Variants in AMBN observed in about 807,000 individuals in gnomAD.
AMBN encodes the protein ameloblastin, also known as enamel matrix protein.
Under a neutral mutation model 48.0 loss-of-function variants are expected in AMBN, and 54 were observed. The ratio of observed to expected loss-of-function variants is 1.12; its 90% CI spans 0.90 to 1.41. The LOEUF (loss-of-function observed/expected upper bound fraction) is 1.41. AMBN is among the 40% of genes most tolerant of loss of function. AMBN has a pLI of 0.00. For synonymous variants in AMBN, 186 were observed against 190.0 expected, an observed-to-expected ratio of 0.98 and a Z score of 0.17; for missense variants, 571 against 547.3, an observed-to-expected ratio of 1.04 and a Z score of -0.43.
Position 70,603,451 on chromosome 4 carries a change from A to T in AMBN, c.744A>T (p.Ala248=). Residue 248 remains alanine (A), a synonymous_variant, in exon 11 of 13, where the codon GCA becomes GCT. Transcript: ENST00000322937. ...YPGMLYVPFG[A]NQLNAPARLG... ...GAATGTTGTACGTGCCTTTTGGAGC[A>T]AATCAATTGGTAAGTCCATATTCTA... The T allele has an allele frequency of 6.2e-7, 1 of 1,612,346 alleles. No homozygotes were observed. Among genetic ancestry groups the T allele is most frequent in the Middle Eastern group, 2.0e-4 (1 of 5,044 alleles).
At chr4:70,605,760 G>GA (rs199534434) in intron 12 of AMBN, among the ~76,000 whole-genome samples, 18 of 150,546 alleles carry the variant, frequency 1.2e-4, no homozygotes, top group Admixed American at 4.0e-4. Flanking sequence ...ACCCCTAAAA[G>GA]AAAAAAAAAG....
chr4:70,597,781 C>G (rs1374100294), intron 3 of AMBN, among the ~76,000 whole-genome samples: 1 of 152,088 alleles, frequency 6.6e-6, no homozygotes, highest in Non-Finnish European at 1.5e-5. Context: ...AGCTTAAACT[C>G]AATCCAAAGC....
rs202024421 is a variant in AMBN, at chr4:70,606,167, G to T, written c.799-18G>T. On this transcript the variant is annotated intron_variant, in intron 12 of 12. Transcript: ENST00000322937. ...AGCATGTGATGATGGCATCTTTGAC[G>T]AATGTTTTTTTTTCCAGGGCGGGAG... 1.2e-6 allele frequency: 2 copies of T among 1,611,924 alleles called. No individual in the cohort carries two copies. The highest frequency in any genetic ancestry group is 1.1e-5 in the South Asian group (1 of 90,980).
intron 11 of AMBN, 131 bp from the exon 12 acceptor site, chr4:70,603,746 C>A: frequency 2.2e-6 from 2 of 926,208 alleles, no homozygotes; most frequent in Non-Finnish European, 3.3e-6. Flanking sequence ...AATGACTCAC[C>A]TCTCCACTTT....
At chr4:70,598,494 G>A in intron 4 of AMBN, 91 bp downstream of exon 4, 3 of 1,028,738 alleles carry the variant, frequency 2.9e-6, no homozygotes, top group South Asian at 2.1e-5. Context: ...TTTATGAATA[G>A]ACAATATACT....
rs770264296 is a variant in AMBN at position 70,598,344 on chromosome 4, T to A, written c.136-12T>A. ...ATGCGATAAACAGTAACCCACTTTT[T>A]TTTCTTGATAGACAATGAGACAGTT... On this transcript the variant is annotated splice_polypyrimidine_tract_variant and intron_variant, in intron 3 of 12. Coordinates refer to ENST00000322937, the MANE Select transcript of AMBN (RefSeq NM_016519.6). 1.3e-6 allele frequency: 2 copies of A among 1,559,266 alleles called. No individual in the cohort carries two copies. The highest frequency in any genetic ancestry group is 1.7e-6 in the Non-Finnish European group (2 of 1,152,008).
intron 2 of AMBN, 77 bp from the exon 3 acceptor site, chr4:70,596,922 G>A: frequency 1.5e-6 from 2 of 1,316,136 alleles, no homozygotes; most frequent in East Asian, 4.6e-5. Context: ...ATGTACTGGA[G>A]CAATATCCTA....
At chr4:70,598,475 T>C in intron 4 of AMBN, 72 bp downstream of exon 4, 1 of 1,249,584 alleles carries the variant, frequency 8.0e-7, no homozygotes, top group South Asian at 1.7e-5. Flanking sequence ...TTATAATTCA[T>C]CAAATTTATT....
chr4:70,595,821 T>C lies in AMBN; in HGVS notation c.85-1178T>C, dbSNP rs140210365. ...CGGTATTTGTGTAAAGTAATAAGGA[T>C]TGGTTTCAAAAGAAAAATATATTTA... is the stretch of plus-strand genomic sequence containing the variant. On this transcript the variant is annotated intron_variant, in intron 2 of 12. Coordinates refer to ENST00000322937, the MANE Select transcript of AMBN (RefSeq NM_016519.6). Among the ~76,000 whole-genome samples the C allele has an allele frequency of 7.6e-4, 115 of 152,158 alleles. 1 individual carries two copies. The East Asian group carries it at 0.018, about 23-fold the overall frequency.
chr4:70,601,091 A>C (rs1737510120), intron 5 of AMBN, among the ~76,000 whole-genome samples: 1 of 152,170 alleles, frequency 6.6e-6, no homozygotes, highest in African/African-American at 2.4e-5. Flanking sequence ...ATTATCATCC[A>C]GTGAGAAAGT....
At chr4:70,597,436 T>C (rs573981632) in intron 3 of AMBN, among the ~76,000 whole-genome samples, 10 of 152,102 alleles carry the variant, frequency 6.6e-5, no homozygotes, top group South Asian at 2.1e-4. Flanking sequence ...ATTTTGTACC[T>C]GTACAAAATT....
chr4:70,597,654 A>G (rs1737417015), intron 3 of AMBN, among the ~76,000 whole-genome samples: 1 of 152,062 alleles, frequency 6.6e-6, no homozygotes, highest in Non-Finnish European at 1.5e-5. Context: ...AATTTTTCAC[A>G]AGGTCTTGTG....
At chr4:70,603,378 G>A (rs1394790869) in intron 10 of AMBN, 38 bp from the exon 11 acceptor site, 3 of 1,612,938 alleles carry the variant, frequency 1.9e-6, no homozygotes, top group Non-Finnish European at 2.5e-6. Context: ...TTTTCCATTG[G>A]AAAATGCATT....
Position 70,598,381 on chromosome 4 carries a change from A to T in AMBN, c.161A>T (p.Gln54Leu). The T allele has an allele frequency of 6.3e-7, 1 of 1,590,276 alleles. No homozygotes were observed. The highest frequency in any genetic ancestry group is 1.3e-5 in the African/African-American group (1 of 74,200). The change falls in exon 4 of 13, where the codon CAG becomes CTG. Residue 54 changes from glutamine to leucine, a missense_variant. Coordinates refer to ENST00000322937, the MANE Select transcript of AMBN (RefSeq NM_016519.6). ...LETMRQLGSL[Q>L]RLNTLSQYSR... ...ACAATGAGACAGTTGGGAAGTCTGC[A>T]GAGATTAAACACACTTTCTCAGGTA...
chr4:70,605,209 G>C (rs960308549), intron 12 of AMBN, among the ~76,000 whole-genome samples: 2 of 152,054 alleles, frequency 1.3e-5, no homozygotes, highest in African/African-American at 2.4e-5. Flanking sequence ...AGAGAATGAA[G>C]AGTCAGGAGA....
intron 5 of AMBN, among the ~76,000 whole-genome samples, chr4:70,600,950 G>T (rs757552249): frequency 1.3e-5 from 2 of 152,036 alleles, no homozygotes; most frequent in Non-Finnish European, 2.9e-5. Context: ...TCATTAACTC[G>T]AAAAATATAT....
chr4:70,605,443 T>C (rs1409752790), intron 12 of AMBN, among the ~76,000 whole-genome samples: 1 of 152,152 alleles, frequency 6.6e-6, no homozygotes, highest in Non-Finnish European at 1.5e-5. Flanking sequence ...AGAATACAGA[T>C]ATGCAAGTCA....
intron 2 of AMBN, among the ~76,000 whole-genome samples, chr4:70,593,734 G>A (rs1436301578): frequency 6.6e-6 from 1 of 151,954 alleles, no homozygotes; most frequent in East Asian, 1.9e-4. Context: ...GCGTGGTGGT[G>A]GGCACCTGTA....
Position 70,603,905 on chromosome 4 carries a change from G to C in AMBN, c.782G>C (p.Ser261Thr), listed in dbSNP as rs775899514. The change falls in exon 12 of 13, where the codon AGT (serine) becomes ACT (threonine). Residue 261 changes from serine (S) to threonine (T), a missense_variant. Coordinates refer to ENST00000322937, the MANE Select transcript of AMBN (RefSeq NM_016519.6). ...GCCCCTGCCAGACTTGGCATCATGA[G>C]TTCAGAAGAAGTGGCAGTGAGTAAT... is the stretch of plus-strand genomic sequence containing the variant. ...LNAPARLGIM[S>T]SEEVAGGRED... 1 of 1,613,988 alleles carries C rather than the reference G, an allele frequency of 6.2e-7. No homozygotes were observed. The highest frequency in any genetic ancestry group is 1.7e-5 in the Admixed American group (1 of 60,018).
Sources: allele counts gnomAD v4.1 joint callset (sites outside exome capture counted in the v4.1 genomes callset), GRCh38; gene constraint gnomAD v4.1.1; transcripts MANE v1.5; gene names NCBI Gene and HGNC (gene_info 2026-07-23, HGNC 2026-07-21).